The following WDR7 variants were observed in gnomAD, a reference collection of about 807,000 sequenced individuals.
The protein encoded by WDR7 is WD repeat-containing protein 7.
WDR7 carries 46 observed loss-of-function variants against 169.4 expected under a neutral mutation model. The ratio of observed to expected loss-of-function variants is 0.27; its 90% CI spans 0.21 to 0.35. The LOEUF is 0.35. Ranked by LOEUF, WDR7 falls within the 10% of genes least tolerant of loss-of-function variation. The probability of loss-of-function intolerance (pLI) is 1.00; values close to 1 mark genes in which losing one functional copy is unlikely to be tolerated. For synonymous variants in WDR7, 612 were observed against 666.8 expected (o/e 0.92, Z 1.27); for missense variants, 1,534 against 1,859.3 (o/e 0.83, Z 3.22).
At chr18:57,004,685 T>C (rs1014265839) in intron 26 of WDR7, among the ~76,000 whole-genome samples, 26 of 152,124 alleles carry the variant, frequency 1.7e-4, no homozygotes, top group African/African-American at 4.8e-5. Flanking sequence ...ACAGTAAATA[T>C]ACAGAACTAC....
Position 56,691,324 on chromosome 18 carries a change from G to C in WDR7, c.826G>C (p.Glu276Gln), listed in dbSNP as rs1338593644. 15 of 1,599,042 alleles carry C rather than the reference G, an allele frequency of 9.4e-6. No individual in the cohort carries two copies. Among genetic ancestry groups the C allele is most frequent in the Middle Eastern group, 1.7e-4 (1 of 6,030 alleles). The change falls in exon 8 of 28, where the codon GAA (glutamate) becomes CAA (glutamine). Residue 276 changes from glutamate (E) to glutamine (Q), a missense_variant. Transcript: ENST00000254442. Reference protein sequence around the residue: ...VSSDKVIIWTENGQSYIYKLP... With the variant: ...VSSDKVIIWTQNGQSYIYKLP... ...ATCAGATAAAGTCATCATTTGGACA[G>C]AAAATGGGCAAAGTTATATTTACAA...
intron 20 of WDR7, among the ~76,000 whole-genome samples, chr18:56,837,373 A>G (rs2045411554): frequency 6.6e-6 from 1 of 152,170 alleles, no homozygotes; most frequent in Non-Finnish European, 1.5e-5. Context: ...GGATTTATTA[A>G]TGTTTCTCAT....
intron 16 of WDR7, among the ~76,000 whole-genome samples, chr18:56,762,594 A>G (rs2043995306): frequency 6.6e-6 from 1 of 151,868 alleles, no homozygotes; most frequent in African/African-American, 2.4e-5. Flanking sequence ...GGTATCTGTA[A>G]TATGTCCTTG....
intron 26 of WDR7, among the ~76,000 whole-genome samples, chr18:57,018,075 C>T (rs1410396338): frequency 1.3e-5 from 2 of 152,146 alleles, no homozygotes; most frequent in Non-Finnish European, 2.9e-5. Flanking sequence ...ATGCTTTGGA[C>T]CTGGTGGTTT....
intron 14 of WDR7, among the ~76,000 whole-genome samples, chr18:56,745,295 T>C (rs75179223): frequency 0.035 from 5,320 of 152,278 alleles, 322 homozygotes; most frequent in African/African-American, 0.12. Flanking sequence ...TATGTGACAC[T>C]GTCCAGTGTT....
rs141397547 is a variant in WDR7, at chr18:56,933,285, A to G, written c.3714-2503A>G. Among the ~76,000 whole-genome samples, 61 of 152,156 alleles carry G rather than the reference A, an allele frequency of 4.0e-4. No individual in the cohort carries two copies. The East Asian group carries it at 8.9e-3, about 22-fold the overall frequency. The stretch of plus-strand genomic sequence containing the variant: ...AGCAGAATCACTACCACACATATTT[A>G]TGTTTCAGATGCAATCCTCAGTAGT... On this transcript the variant is annotated intron_variant, in intron 22 of 27. Transcript: ENST00000254442.
chr18:56,663,481 A>T (rs1232860435), intron 1 of WDR7, among the ~76,000 whole-genome samples: 1 of 152,198 alleles, frequency 6.6e-6, no homozygotes, highest in Admixed American at 6.5e-5. Flanking sequence ...CTTATTTTTA[A>T]GTTCTGTCTT....
chr18:56,741,050 A>G (rs2043613864), intron 14 of WDR7, among the ~76,000 whole-genome samples: 1 of 152,174 alleles, frequency 6.6e-6, no homozygotes, highest in South Asian at 2.1e-4. Context: ...ATCATGTCCC[A>G]TAGAACATTC....
At chr18:56,900,080 G>A (rs5004158) in intron 21 of WDR7, among the ~76,000 whole-genome samples, 425 of 30,216 alleles carry the variant, frequency 0.014, no homozygotes, top group Middle Eastern at 0.019. Context: ...GTGTGTGTGT[G>A]TGTATATATA....
intron 20 of WDR7, among the ~76,000 whole-genome samples, chr18:56,874,770 A>G (rs1280027636): frequency 6.6e-6 from 1 of 152,134 alleles, no homozygotes; most frequent in Non-Finnish European, 1.5e-5. Flanking sequence ...ACTAACTTTA[A>G]AAAAAGAAAA....
Position 57,027,411 on chromosome 18 carries a change from A to C in WDR7, c.*204A>C. On this transcript the variant is annotated 3_prime_UTR_variant, in exon 28 of 28. Coordinates refer to ENST00000254442, the MANE Select transcript of WDR7 (RefSeq NM_015285.3). ...TCTGTCGATTCAGAGGCACGCACAC[A>C]TGCTCTGCAGGATGTGGCCATCCTG... 1.9e-5 allele frequency: 12 copies of C among 616,148 alleles called. No individual in the cohort carries two copies. Among genetic ancestry groups the C allele is most frequent in the Non-Finnish European group, 2.5e-5 (9 of 359,556 alleles). The allele number at this position is 616,148 out of a possible 1,614,324, so 38.2% of individuals were successfully genotyped here. A position where few individuals can be genotyped will look rare whatever the true frequency, so the allele number is the denominator to read the frequency against.
intron 12 of WDR7, among the ~76,000 whole-genome samples, chr18:56,696,682 T>C (rs904480451): frequency 3.3e-5 from 5 of 152,252 alleles, no homozygotes; most frequent in South Asian, 2.1e-4. Flanking sequence ...AGTGTTTTTT[T>C]ACTAGCTTCA....
At chr18:56,914,815 CTG>C (rs2046603321) in intron 21 of WDR7, among the ~76,000 whole-genome samples, 1 of 152,192 alleles carries the variant, frequency 6.6e-6, no homozygotes, top group Admixed American at 6.5e-5. Context: ...GAAGCTAAGA[CTG>C]TCTCCTATTT....
intron 9 of WDR7, among the ~76,000 whole-genome samples, chr18:56,694,190 G>A (rs1344198146): frequency 6.6e-6 from 1 of 152,000 alleles, no homozygotes; most frequent in Admixed American, 6.5e-5. Flanking sequence ...TGATTAATCA[G>A]GAGTGGGCAA....
intron 13 of WDR7, among the ~76,000 whole-genome samples, chr18:56,730,664 G>A (rs2144802246): frequency 6.6e-6 from 1 of 152,254 alleles, no homozygotes; most frequent in East Asian, 1.9e-4. Flanking sequence ...TACTCGGGAG[G>A]CTGAGACAGG....
chr18:57,004,967 G>T (rs909195437), intron 26 of WDR7, among the ~76,000 whole-genome samples: 1 of 152,116 alleles, frequency 6.6e-6, no homozygotes, highest in Non-Finnish European at 1.5e-5. Context: ...TTGAAGGCCT[G>T]TATCATATTT....
At chr18:56,729,942 G>A (rs2026545753) in intron 13 of WDR7, among the ~76,000 whole-genome samples, 1 of 152,128 alleles carries the variant, frequency 6.6e-6, no homozygotes, top group Non-Finnish European at 1.5e-5. Flanking sequence ...TTGATTATTA[G>A]TGAGGTTGAC....
At chr18:56,956,419 G>A (rs1416898154) in intron 25 of WDR7, among the ~76,000 whole-genome samples, 1 of 152,110 alleles carries the variant, frequency 6.6e-6, no homozygotes, top group African/African-American at 2.4e-5. Context: ...GAACAAAACT[G>A]TCCCCCTTGA....
chr18:56,715,365 C>G (rs972632112), intron 12 of WDR7, among the ~76,000 whole-genome samples: 2 of 152,178 alleles, frequency 1.3e-5, no homozygotes, highest in African/African-American at 4.8e-5. Flanking sequence ...TTGACTCATA[C>G]TTCATTTTCT....
Sources: gnomAD v4.1 joint callset for allele counts (sites outside exome capture counted in the v4.1 genomes callset) on GRCh38, gnomAD v4.1.1 for gene constraint, MANE v1.5 for transcripts, NCBI Gene and HGNC (gene_info 2026-07-23, HGNC 2026-07-21) for gene names.